Variants in SQOR observed in about 807,000 individuals in gnomAD.
SQOR encodes the protein sulfide:quinone oxidoreductase, mitochondrial.
In SQOR, 39 loss-of-function variants were observed where a neutral mutation model predicts 48.6. The ratio of observed to expected loss-of-function variants is 0.80; its 90% CI spans 0.62 to 1.05. The LOEUF (loss-of-function observed/expected upper bound fraction) is 1.05. Among genes scored for constraint, SQOR ranks in the 50% least tolerant of loss-of-function variants. The pLI is 0.00. For synonymous variants in SQOR, 220 were observed against 206.2 expected (o/e 1.07, Z -0.57); for missense variants, 561 against 559.9 (o/e 1.00, Z -0.02).
intron 3 of SQOR, among the ~76,000 whole-genome samples, chr15:45,668,699 C>T (rs11637483): frequency 0.078 from 11,812 of 152,220 alleles, 518 homozygotes; most frequent in African/African-American, 0.1. Flanking sequence ...AACTGCGATT[C>T]GCTCGGGTTG....
At chr15:45,688,043 C>T (rs1453975642) in intron 7 of SQOR, among the ~76,000 whole-genome samples, 1 of 152,148 alleles carries the variant, frequency 6.6e-6, no homozygotes, top group Admixed American at 6.5e-5. Flanking sequence ...AAGTTGACAG[C>T]CTCAACCCCA....
chr15:45,671,399 C>T (rs1889939486), intron 4 of SQOR, among the ~76,000 whole-genome samples: 1 of 152,122 alleles, frequency 6.6e-6, no homozygotes. Context: ...CTCAAGTGAT[C>T]CACCCGCCTC....
At chr15:45,660,413 G>A (rs1889698103) in intron 2 of SQOR, among the ~76,000 whole-genome samples, 2 of 152,208 alleles carry the variant, frequency 1.3e-5, no homozygotes, top group Non-Finnish European at 2.9e-5. Flanking sequence ...AGCTGTGTCA[G>A]GTGGCTACTG....
At chr15:45,686,856 G>T (rs963725106) in intron 7 of SQOR, among the ~76,000 whole-genome samples, 1 of 152,142 alleles carries the variant, frequency 6.6e-6, no homozygotes. Context: ...CGTCATGCAG[G>T]CTGGAGGGCA....
chr15:45,639,690 AC>A (rs1895071948), intron 1 of SQOR, among the ~76,000 whole-genome samples: 1 of 152,224 alleles, frequency 6.6e-6, no homozygotes, highest in Admixed American at 6.5e-5. Context: ...TGTTTTAACA[AC>A]CACCATGTTT....
At chr15:45,634,391 G>A (rs1894958036), upstream of SQOR, among the ~76,000 whole-genome samples, 1 of 151,602 alleles carries the variant, frequency 6.6e-6, no homozygotes, top group African/African-American at 2.4e-5. Flanking sequence ...ATATGGTGGA[G>A]AACCACTCAC....
intron 1 of SQOR, among the ~76,000 whole-genome samples, chr15:45,657,910 A>G (rs1227895204): frequency 6.6e-6 from 1 of 152,188 alleles, no homozygotes; most frequent in East Asian, 1.9e-4. Flanking sequence ...GGGCACTGTC[A>G]TACCCAGGGA....
chr15:45,669,051 T>C (rs1246142693), intron 3 of SQOR, among the ~76,000 whole-genome samples: 1 of 151,872 alleles, frequency 6.6e-6, no homozygotes, highest in South Asian at 2.1e-4. Context: ...ACGATATTGG[T>C]CCAATCCACA....
chr15:45,669,478 T>C (rs1889899272), intron 3 of SQOR, among the ~76,000 whole-genome samples: 2 of 152,216 alleles, frequency 1.3e-5, no homozygotes, highest in Non-Finnish European at 2.9e-5. Flanking sequence ...CCATAGATTT[T>C]AGACAGTGGA....
chr15:45,663,599 C>G (rs576643327), intron 3 of SQOR, among the ~76,000 whole-genome samples: 1 of 151,900 alleles, frequency 6.6e-6, no homozygotes, highest in South Asian at 2.1e-4. Context: ...GACCCTGTCT[C>G]TACAAAAAAA....
intron 3 of SQOR, among the ~76,000 whole-genome samples, chr15:45,666,208 GACTC>G (rs1889814034): frequency 6.6e-6 from 1 of 152,170 alleles, no homozygotes; most frequent in Non-Finnish European, 1.5e-5. Flanking sequence ...GCTTCGATAT[GACTC>G]CTTCAGGCAA....
rs530513579 is a variant in SQOR, at chr15:45,649,763, G to A, written c.-17-9144G>A. On this transcript the variant is annotated intron_variant, in intron 1 of 9. Transcript: ENST00000260324. ...CTACCAAAGTGCTGGAATTACAGGC[G>A]TGAGCCACTGTGCCTGGCCTCATTT... 1.8e-4 allele frequency among the ~76,000 whole-genome samples: 28 copies of A among 151,998 alleles called. No homozygotes were observed. The South Asian group carries it at 5.2e-3, about 28-fold the overall frequency.
intron 1 of SQOR, among the ~76,000 whole-genome samples, chr15:45,636,018 G>A (rs933982896): frequency 1.3e-5 from 2 of 152,028 alleles, no homozygotes; most frequent in African/African-American, 4.8e-5. Context: ...TGTAGTAGAG[G>A]CGGGTTTCAC....
At chr15:45,684,757 C>A (rs939600186) in intron 7 of SQOR, among the ~76,000 whole-genome samples, 1 of 152,172 alleles carries the variant, frequency 6.6e-6, no homozygotes, top group Non-Finnish European at 1.5e-5. Context: ...CCAGATTACC[C>A]AGCTTTTAGC....
At chr15:45,642,947 T>A (rs1441529451) in intron 1 of SQOR, among the ~76,000 whole-genome samples, 2 of 152,204 alleles carry the variant, frequency 1.3e-5, no homozygotes, top group African/African-American at 4.8e-5. Flanking sequence ...TCCTAACTGA[T>A]TTGTCAAAAT....
chr15:45,637,460 CATT>C (rs949905042), intron 1 of SQOR, among the ~76,000 whole-genome samples: 42 of 152,248 alleles, frequency 2.8e-4, no homozygotes, highest in African/African-American at 9.4e-4. Flanking sequence ...GGGAGGTACT[CATT>C]ATTTATTGAA....
chr15:45,682,416 G>T, intron 6 of SQOR, 62 bp from the exon 7 acceptor site: 1 of 1,566,458 alleles, frequency 6.4e-7, no homozygotes, highest in South Asian at 1.2e-5. Flanking sequence ...GGTAGGGGGA[G>T]AGCTTGTGGA....
chr15:45,656,822 T>TC (rs1009925943), intron 1 of SQOR, among the ~76,000 whole-genome samples: 54 of 152,296 alleles, frequency 3.5e-4, no homozygotes, highest in African/African-American at 1.3e-3. Flanking sequence ...ATTGTTTTTT[T>TC]CAGACAGAGT....
At chr15:45,643,858 G>C (rs958673901) in intron 1 of SQOR, among the ~76,000 whole-genome samples, 1 of 152,112 alleles carries the variant, frequency 6.6e-6, no homozygotes. Flanking sequence ...TTTCTTGGTG[G>C]AGAAGATATC....
Sources: gnomAD v4.1 joint callset for allele counts (sites outside exome capture counted in the v4.1 genomes callset) on GRCh38, gnomAD v4.1.1 for gene constraint, MANE v1.5 for transcripts, NCBI Gene and HGNC (gene_info 2026-07-23, HGNC 2026-07-21) for gene names.